CACNA2D3: variants seen among roughly 807,000 people sequenced by gnomAD.
CACNA2D3 encodes the protein calcium voltage-gated channel auxiliary subunit alpha2delta 3, also known as voltage-dependent calcium channel subunit alpha-2/delta-3.
A neutral mutation model predicts 160.6 loss-of-function variants in CACNA2D3; 60 were observed. That is an observed-to-expected ratio of 0.37 (90% CI 0.30 to 0.46). The LOEUF is 0.46. Among genes scored for constraint, CACNA2D3 ranks in the 20% least tolerant of loss-of-function variants. CACNA2D3 has a pLI of 1.00. For synonymous variants in CACNA2D3, 558 were observed against 492.9 expected, an observed-to-expected ratio of 1.13 and a Z score of -1.75; for missense variants, 1,205 against 1,365.0, an observed-to-expected ratio of 0.88 and a Z score of 1.85.
At chr3:54,910,593 A>G (rs1404615108) in intron 27 of CACNA2D3, among the ~76,000 whole-genome samples, 1 of 151,982 alleles carries the variant, frequency 6.6e-6, no homozygotes, top group Non-Finnish European at 1.5e-5. Flanking sequence ...CATCTCCCTA[A>G]CTAGTAAATG....
chr3:55,037,170 G>A (rs1703838722), intron 35 of CACNA2D3, among the ~76,000 whole-genome samples: 1 of 147,306 alleles, frequency 6.8e-6, no homozygotes, highest in East Asian at 1.9e-4. Context: ...TAAGACAAAA[G>A]AAGAAGAAAC....
intron 3 of CACNA2D3, among the ~76,000 whole-genome samples, chr3:54,371,602 C>G (rs1698927243): frequency 6.6e-6 from 1 of 152,166 alleles, no homozygotes; most frequent in African/African-American, 2.4e-5. Context: ...TTTCCTCTCT[C>G]CAATTTCCAT....
intron 2 of CACNA2D3, among the ~76,000 whole-genome samples, chr3:54,305,623 G>A (rs1441860581): frequency 6.6e-6 from 1 of 152,240 alleles, no homozygotes. Flanking sequence ...TGCCTGTCCT[G>A]ACACTGTGTA....
chr3:54,338,467 CTGTGTGTGTGTGTGTGTGTGTGTGTG>C (rs71074965), intron 3 of CACNA2D3, among the ~76,000 whole-genome samples: 1 of 136,440 alleles, frequency 7.3e-6, no homozygotes, highest in Non-Finnish European at 1.6e-5. Context: ...TCTCCCCTCC[CTGTGTGTGTGTGTGTGTGTGTGTGTG>C]TGTGTGTGTG....
chr3:54,237,820 AT>A (rs553085922), intron 2 of CACNA2D3, among the ~76,000 whole-genome samples: 5 of 152,298 alleles, frequency 3.3e-5, no homozygotes, highest in African/African-American at 1.2e-4. Flanking sequence ...CTTCAAAGTT[AT>A]GTGAGTTCCA....
chr3:54,362,493 G>A (rs1429260042), intron 3 of CACNA2D3, among the ~76,000 whole-genome samples: 4 of 152,184 alleles, frequency 2.6e-5, no homozygotes, highest in African/African-American at 4.8e-5. Flanking sequence ...TCATATTCAC[G>A]GGCCCTGCCC....
chr3:54,409,674 A>C (rs902833974), intron 4 of CACNA2D3, among the ~76,000 whole-genome samples: 3 of 152,260 alleles, frequency 2.0e-5, no homozygotes, highest in African/African-American at 7.2e-5. Flanking sequence ...GTGCTACTTC[A>C]GTGAACACAG....
At chr3:54,822,763 T>C (rs191782656) in intron 14 of CACNA2D3, among the ~76,000 whole-genome samples, 1,640 of 88,760 alleles carry the variant, frequency 0.018, 59 homozygotes, top group African/African-American at 0.065. Flanking sequence ...TCTTTCTTTC[T>C]TTCTTTCTTT....
At chr3:54,492,527 G>A (rs1000935373) in intron 4 of CACNA2D3, among the ~76,000 whole-genome samples, 1 of 152,222 alleles carries the variant, frequency 6.6e-6, no homozygotes, top group African/African-American at 2.4e-5. Flanking sequence ...CCGGCCTGAA[G>A]AGTTGATTGT....
intron 27 of CACNA2D3, among the ~76,000 whole-genome samples, chr3:54,931,119 G>A (rs759747936): frequency 3.3e-5 from 5 of 152,076 alleles, no homozygotes; most frequent in South Asian, 2.1e-4. Flanking sequence ...AAACAAAGTG[G>A]CATCTCTTAC....
intron 3 of CACNA2D3, among the ~76,000 whole-genome samples, chr3:54,327,040 G>A (rs1030742832): frequency 1.3e-5 from 2 of 152,168 alleles, no homozygotes; most frequent in Admixed American, 6.5e-5. Flanking sequence ...TTAAAAAAGA[G>A]CAACAATCTG....
intron 4 of CACNA2D3, among the ~76,000 whole-genome samples, chr3:54,462,560 G>C (rs1559487916): frequency 6.6e-6 from 1 of 151,970 alleles, no homozygotes; most frequent in Non-Finnish European, 1.5e-5. Flanking sequence ...GATCTTTGTT[G>C]GTTTAAAGTC....
chr3:54,821,292 G>A (rs1337429588), intron 14 of CACNA2D3, among the ~76,000 whole-genome samples: 2 of 152,298 alleles, frequency 1.3e-5, no homozygotes, highest in South Asian at 2.1e-4. Flanking sequence ...TCAGGGCTGC[G>A]CAGTATGGCA....
At chr3:54,430,407 A>C (rs575914525) in intron 4 of CACNA2D3, among the ~76,000 whole-genome samples, 3 of 152,206 alleles carry the variant, frequency 2.0e-5, no homozygotes, top group Non-Finnish European at 4.4e-5. Context: ...AGAATTCTCT[A>C]TGCGGATATT....
At chr3:54,603,545 A>C (rs1703103862) in intron 9 of CACNA2D3, among the ~76,000 whole-genome samples, 1 of 152,180 alleles carries the variant, frequency 6.6e-6, no homozygotes, top group Non-Finnish European at 1.5e-5. Flanking sequence ...CCATGTCTTC[A>C]CTGTTCCTGA....
intron 2 of CACNA2D3, among the ~76,000 whole-genome samples, chr3:54,270,946 A>C (rs776671494): frequency 9.8e-5 from 15 of 152,312 alleles, no homozygotes; most frequent in Non-Finnish European, 1.9e-4. Context: ...CTCTGCTTTT[A>C]AGAGATTTGT....
At position 54,223,788 on chromosome 3, in the gene CACNA2D3, G is replaced by A. The variant is rs563041548; in HGVS notation, c.205-96654G>A. Among the ~76,000 whole-genome samples the A allele has an allele frequency of 8.0e-5, 12 of 149,378 alleles. No individual in the cohort carries two copies. The South Asian group carries it at 2.6e-3, about 32-fold the overall frequency. The stretch of plus-strand genomic sequence containing the variant: ...AACTGCTTGAACCCGGGAGGTGGAG[G>A]TTGCAGTGAGCCGAGATCGCACCAT... On this transcript the variant is annotated intron_variant, in intron 2 of 37. Coordinates refer to ENST00000474759, the MANE Select transcript of CACNA2D3 (RefSeq NM_018398.3).
chr3:54,640,999 G>A (rs569044409), intron 10 of CACNA2D3, among the ~76,000 whole-genome samples: 1 of 149,614 alleles, frequency 6.7e-6, no homozygotes, highest in East Asian at 2.0e-4. Context: ...CACCTCTTGT[G>A]TATTTTTTGA....
Position 54,918,318 on chromosome 3 carries a change from C to T in CACNA2D3, c.2449+18450C>T, listed in dbSNP as rs530822671. 5 of 696,390 alleles carry T rather than the reference C, an allele frequency of 7.2e-6. No individual in the cohort carries two copies. In the East Asian group the frequency reaches 1.4e-4, roughly 20 times the overall value. The allele number at this position is 696,390 out of a possible 1,614,324, so 43.1% of individuals were successfully genotyped here. ...TCCCCAGAAATATTTTTTACAGACACATCTTTTTTTTTTCTTTTTTTTTTT... is the reference window on the plus strand; with the variant it reads ...TCCCCAGAAATATTTTTTACAGACATATCTTTTTTTTTTCTTTTTTTTTTT... On this transcript the variant is annotated intron_variant, in intron 27 of 37. Coordinates refer to ENST00000474759, the MANE Select transcript of CACNA2D3 (RefSeq NM_018398.3).
Sources: allele counts gnomAD v4.1 joint callset (sites outside exome capture counted in the v4.1 genomes callset), GRCh38; gene constraint gnomAD v4.1.1; transcripts MANE v1.5; gene names NCBI Gene and HGNC (gene_info 2026-07-23, HGNC 2026-07-21).